Variants in TFEB observed in about 807,000 individuals in gnomAD.
TFEB encodes the protein T-cell transcription factor EB.
In TFEB, 12 loss-of-function variants were observed where a neutral mutation model predicts 48.0. The ratio of observed to expected loss-of-function variants is 0.25; its 90% confidence interval spans 0.16 to 0.40. The LOEUF (loss-of-function observed/expected upper bound fraction) is 0.40. TFEB is among the 10% of genes least tolerant of loss of function. TFEB has a pLI of 1.00. For missense variants in TFEB, 509 were observed against 640.3 expected (o/e 0.79, Z 2.21); for synonymous variants, 244 against 261.4 (o/e 0.93, Z 0.64).
intron 1 of TFEB, among the ~76,000 whole-genome samples, chr6:41,729,033 C>A (rs1771337481): frequency 6.6e-6 from 1 of 152,062 alleles, no homozygotes. Context: ...ACACAGCAAA[C>A]CCCTGTGCCC....
At position 41,686,111 on chromosome 6, in the gene TFEB, C is replaced by T; in HGVS notation, c.930G>A (p.Lys310=). 1 of 1,614,234 alleles carries T rather than the reference C, an allele frequency of 6.2e-7. No individual in the cohort carries two copies. The highest frequency in any genetic ancestry group is 2.2e-5 in the East Asian group (1 of 44,890). ...NHSRRLEMTN[K]QLWLRIQELE... The stretch of plus-strand genomic sequence containing the variant: ...AGACCTGGATACGGAGCCAGAGCTG[C>T]TTGTTGGTCATCTCCAGGCGGCGAG... The change falls in exon 8 of 9, where the codon AAG becomes AAA. Residue 310 remains lysine, a synonymous_variant. Coordinates refer to ENST00000373033, the MANE Select transcript of TFEB (RefSeq NM_001271944.2).
At chr6:41,717,477 A>T (rs1259541048) in intron 1 of TFEB, among the ~76,000 whole-genome samples, 1 of 152,230 alleles carries the variant, frequency 6.6e-6, no homozygotes, top group Non-Finnish European at 1.5e-5. Context: ...GAAGACAGAC[A>T]AGATGATGAG....
intron 1 of TFEB, among the ~76,000 whole-genome samples, chr6:41,695,838 G>A (rs1342451352): frequency 1.3e-5 from 2 of 152,222 alleles, no homozygotes; most frequent in Non-Finnish European, 2.9e-5. Context: ...AGCAGCTTCT[G>A]GGGGTTTATG....
intron 1 of TFEB, among the ~76,000 whole-genome samples, chr6:41,716,945 C>T (rs1032474607): frequency 6.6e-5 from 10 of 152,150 alleles, no homozygotes; most frequent in African/African-American, 2.4e-4. Flanking sequence ...GGCATGCCCG[C>T]GTGCACCCTA....
chr6:41,689,678 G>T (rs1258547027), intron 4 of TFEB, 53 bp downstream of exon 4: 1 of 1,435,540 alleles, frequency 7.0e-7, no homozygotes, highest in Non-Finnish European at 9.8e-7. Context: ...GCCACAGTGG[G>T]TGCCCCCCTC....
intron 1 of TFEB, among the ~76,000 whole-genome samples, chr6:41,714,604 T>C (rs1770650766): frequency 6.6e-6 from 1 of 152,194 alleles, no homozygotes; most frequent in South Asian, 2.1e-4. Context: ...ATGCCAGCAC[T>C]CTGGCAGGGC....
chr6:41,713,286 G>C (rs1373320325), intron 1 of TFEB, among the ~76,000 whole-genome samples: 3 of 152,174 alleles, frequency 2.0e-5, no homozygotes, highest in Non-Finnish European at 4.4e-5. Flanking sequence ...GCTGCAGCCA[G>C]GATGGCGAGG....
At chr6:41,708,002 T>C (rs7756525) in intron 1 of TFEB, among the ~76,000 whole-genome samples, 106,685 of 152,162 alleles carry the variant, frequency 0.7, 38,326 homozygotes, top group African/African-American at 0.86. Context: ...TCTGTGGCGC[T>C]CAGCACGTCT....
intron 1 of TFEB, among the ~76,000 whole-genome samples, chr6:41,717,910 G>C (rs1315097953): frequency 6.6e-6 from 1 of 152,070 alleles, no homozygotes; most frequent in Non-Finnish European, 1.5e-5. Context: ...CTGGAAAATG[G>C]GGCTTTAAAC....
chr6:41,722,806 C>G (rs1771038249), intron 1 of TFEB, among the ~76,000 whole-genome samples: 1 of 152,200 alleles, frequency 6.6e-6, no homozygotes, highest in South Asian at 2.1e-4. Flanking sequence ...CATGCTATGT[C>G]CTGGTGAAGT....
chr6:41,714,180 TGTGCATGTGCATGCATGTGC>T (rs1770624527), intron 1 of TFEB, among the ~76,000 whole-genome samples: 4 of 151,832 alleles, frequency 2.6e-5, no homozygotes, highest in South Asian at 4.2e-4. Context: ...TGTGCGTGTG[TGTGCATGTGCATGCATGTGC>T]GTGCATGTGC....
chr6:41,721,936 G>C (rs1441223553), intron 1 of TFEB, among the ~76,000 whole-genome samples: 2 of 151,974 alleles, frequency 1.3e-5, no homozygotes, highest in Non-Finnish European at 2.9e-5. Flanking sequence ...CACTCTCCTA[G>C]GAAGTCTCTT....
chr6:41,687,269 C>G, intron 6 of TFEB, 100 bp from the exon 7 acceptor site: 1 of 987,592 alleles, frequency 1.0e-6, no homozygotes, highest in Non-Finnish European at 1.6e-6. Context: ...TCAGGGCAGC[C>G]TGCAGCTTAG....
At chr6:41,698,248 T>C (rs957703741) in intron 1 of TFEB, among the ~76,000 whole-genome samples, 8 of 152,192 alleles carry the variant, frequency 5.3e-5, no homozygotes, top group Non-Finnish European at 1.5e-5. Context: ...GTGGCAAGGC[T>C]GGACCCTGGC....
chr6:41,728,118 G>A (rs960109045), intron 1 of TFEB, among the ~76,000 whole-genome samples: 2 of 152,234 alleles, frequency 1.3e-5, no homozygotes, highest in Non-Finnish European at 1.5e-5. Context: ...CGCTTATGTT[G>A]TTTAGTACAT....
chr6:41,709,666 G>T (rs1273485989), intron 1 of TFEB, among the ~76,000 whole-genome samples: 3 of 152,118 alleles, frequency 2.0e-5, no homozygotes, highest in Non-Finnish European at 4.4e-5. Context: ...TGGATGAAAA[G>T]GTGGATATAA....
intron 1 of TFEB, among the ~76,000 whole-genome samples, chr6:41,708,496 C>T (rs751994035): frequency 6.6e-6 from 1 of 152,268 alleles, no homozygotes; most frequent in South Asian, 2.1e-4. Context: ...ACACCTATCA[C>T]TTGACTGGGG....
At chr6:41,698,543 T>C (rs1229957910) in intron 1 of TFEB, among the ~76,000 whole-genome samples, 2 of 152,194 alleles carry the variant, frequency 1.3e-5, no homozygotes, top group African/African-American at 4.8e-5. Flanking sequence ...GTCTGGCGGC[T>C]GAAACAACAA....
intron 1 of TFEB, chr6:41,733,012 G>C: frequency 2.0e-6 from 2 of 985,560 alleles, no homozygotes; most frequent in South Asian, 4.7e-5. Flanking sequence ...CCCAGGGGGT[G>C]GCTGGGCTAC....
Sources: allele counts gnomAD v4.1 joint callset (sites outside exome capture counted in the v4.1 genomes callset), GRCh38; gene constraint gnomAD v4.1.1; transcripts MANE v1.5; gene names NCBI Gene and HGNC (gene_info 2026-07-23, HGNC 2026-07-21).